ADCK1: variants seen among roughly 807,000 people sequenced by gnomAD.
The protein encoded by ADCK1 is aarF domain-containing protein kinase 1.
A neutral mutation model predicts 52.3 loss-of-function variants in ADCK1; 41 were observed. The ratio of observed to expected loss-of-function variants is 0.78; its 90% confidence interval spans 0.61 to 1.02. The LOEUF (loss-of-function observed/expected upper bound fraction) is 1.02, where lower values mean the gene tolerates loss of function less well. Ranked by LOEUF, ADCK1 falls within the 50% of genes least tolerant of loss-of-function variation. The pLI, the probability that ADCK1 is intolerant of heterozygous loss-of-function variation, is 0.00. For missense variants in ADCK1, 658 were observed against 679.5 expected, an observed-to-expected ratio of 0.97 and a Z score of 0.35; for synonymous variants, 250 against 274.6, an observed-to-expected ratio of 0.91 and a Z score of 0.89.
chr14:77,815,702 A>G lies in ADCK1; in HGVS notation c.-11-3266A>G, dbSNP rs1474842592. 2.0e-5 allele frequency among the ~76,000 whole-genome samples: 3 copies of G among 150,610 alleles called. No individual in the cohort carries two copies. In the East Asian group the frequency reaches 5.9e-4, roughly 30 times the overall value. Reference sequence around the variant, plus strand: ...CCTGGCTAATTTTTGTATTTTTAGTAGAGACAAGGTTTCAGCATATTGGCC... The same window carrying G: ...CCTGGCTAATTTTTGTATTTTTAGTGGAGACAAGGTTTCAGCATATTGGCC... On this transcript the variant is annotated intron_variant, in intron 1 of 10. Coordinates refer to ENST00000238561, the MANE Select transcript of ADCK1 (RefSeq NM_020421.4).
intron 4 of ADCK1, among the ~76,000 whole-genome samples, chr14:77,875,692 C>T (rs935493706): frequency 2.6e-5 from 4 of 152,104 alleles, no homozygotes; most frequent in African/African-American, 7.2e-5. Flanking sequence ...GTTGCCTGCA[C>T]GTGAGCGGCA....
chr14:77,828,011 G>A lies in ADCK1; in HGVS notation c.219+5493G>A, dbSNP rs568502846. On this transcript the variant is annotated intron_variant, in intron 3 of 10. Coordinates refer to ENST00000238561, the MANE Select transcript of ADCK1 (RefSeq NM_020421.4). ...GCCCGGATAATTTTTTGTGTTTTTA[G>A]TAGAGACAGGGTTTTACTGTATTAG... The A allele has an allele frequency of 1.1e-4, 31 of 287,054 alleles. 1 individual carries two copies. Among genetic ancestry groups the A allele is most frequent in the South Asian group, 8.0e-4 (29 of 36,060 alleles). 17.8% of individuals were successfully genotyped at this position (287,054 alleles called of 1,614,324 possible).
At chr14:77,856,588 G>C (rs1245168288) in intron 3 of ADCK1, among the ~76,000 whole-genome samples, 1 of 152,180 alleles carries the variant, frequency 6.6e-6, no homozygotes, top group East Asian at 1.9e-4. Flanking sequence ...TATGGTAAAG[G>C]ATTGCCCTCC....
intron 9 of ADCK1, among the ~76,000 whole-genome samples, chr14:77,930,540 G>A (rs1458841463): frequency 6.6e-6 from 1 of 152,148 alleles, no homozygotes; most frequent in African/African-American, 2.4e-5. Flanking sequence ...GTCGAGTCCT[G>A]TGGTGAGGTG....
chr14:77,908,701 C>A (rs549101590), intron 7 of ADCK1, among the ~76,000 whole-genome samples: 28 of 152,268 alleles, frequency 1.8e-4, no homozygotes, highest in African/African-American at 5.3e-4. Flanking sequence ...CAACATTGAT[C>A]ATTTTAATAG....
chr14:77,875,078 G>A (rs1220148034), intron 4 of ADCK1, among the ~76,000 whole-genome samples: 1 of 152,204 alleles, frequency 6.6e-6, no homozygotes, highest in African/African-American at 2.4e-5. Flanking sequence ...TGAGGCTGGT[G>A]TGGGGAACAA....
At chr14:77,876,071 G>T (rs2082892661) in intron 4 of ADCK1, among the ~76,000 whole-genome samples, 1 of 152,154 alleles carries the variant, frequency 6.6e-6, no homozygotes, top group South Asian at 2.1e-4. Flanking sequence ...GGCTCCTATT[G>T]GCTGCTGTCA....
chr14:77,915,999 A>G (rs1414889044), intron 7 of ADCK1, among the ~76,000 whole-genome samples: 1 of 151,994 alleles, frequency 6.6e-6, no homozygotes, highest in African/African-American at 2.4e-5. Flanking sequence ...GCTGAATTCC[A>G]CCCCTTGGAA....
Position 77,925,772 on chromosome 14 carries a change from GGAA to G in ADCK1, c.1021_1023del (p.Glu341del). Reference sequence around the variant, plus strand: ...TGCCGCCTCCACCCTAGATGCTCACGGAAGAATTCCGCCTGAATTACTGCCACC... The same window carrying G: ...TGCCGCCTCCACCCTAGATGCTCACGGAATTCCGCCTGAATTACTGCCACC... On this transcript the variant is annotated inframe_deletion, in exon 9 of 11. Coordinates refer to ENST00000238561, the MANE Select transcript of ADCK1 (RefSeq NM_020421.4). The G allele has an allele frequency of 6.2e-7, 1 of 1,614,018 alleles. No individual in the cohort carries two copies. Among genetic ancestry groups the G allele is most frequent in the Non-Finnish European group, 8.5e-7 (1 of 1,179,902 alleles).
At chr14:77,852,886 T>C (rs1162054577) in intron 3 of ADCK1, among the ~76,000 whole-genome samples, 1 of 28,532 alleles carries the variant, frequency 3.5e-5, no homozygotes, top group Admixed American at 3.7e-4. Flanking sequence ...TATGTGTGTA[T>C]ATATATATAT....
intron 3 of ADCK1, among the ~76,000 whole-genome samples, chr14:77,856,020 G>A (rs1201899702): frequency 6.6e-6 from 1 of 152,032 alleles, no homozygotes; most frequent in Non-Finnish European, 1.5e-5. Flanking sequence ...TACCAGCCTG[G>A]GCAACATAGT....
At chr14:77,871,556 C>G (rs11159303) in intron 4 of ADCK1, among the ~76,000 whole-genome samples, 60,599 of 151,942 alleles carry the variant, frequency 0.4, 12,514 homozygotes, top group Admixed American at 0.52. Context: ...CAGGGTTTCT[C>G]CATGTTGGCC....
intron 1 of ADCK1, among the ~76,000 whole-genome samples, chr14:77,807,800 T>C (rs1228106539): frequency 6.6e-6 from 1 of 151,962 alleles, no homozygotes; most frequent in African/African-American, 2.4e-5. Context: ...TGAACCACCA[T>C]GCCCGGCAAT....
rs144913497 is a variant in ADCK1 at position 77,877,771 on chromosome 14, GTTT to G, written c.424-9316_424-9314del. On this transcript the variant is annotated intron_variant, in intron 4 of 10. Coordinates refer to ENST00000238561, the MANE Select transcript of ADCK1 (RefSeq NM_020421.4). The stretch of plus-strand genomic sequence containing the variant: ...AGGTGTGTGCCACGATGCCTGATTA[GTTT>G]TTTATTTTTTTGTAGAGATGGAGTC... Among the ~76,000 whole-genome samples the G allele has an allele frequency of 6.1e-4, 93 of 152,272 alleles. 1 individual carries two copies. The highest frequency in any genetic ancestry group is 2.1e-3 in the African/African-American group (89 of 41,558).
chr14:77,886,605 G>A (rs2083152451), intron 4 of ADCK1, among the ~76,000 whole-genome samples: 1 of 152,142 alleles, frequency 6.6e-6, no homozygotes, highest in Admixed American at 6.5e-5. Context: ...GCAAGACCCT[G>A]GGCTGGTACA....
chr14:77,875,900 G>A (rs575526613), intron 4 of ADCK1, among the ~76,000 whole-genome samples: 1 of 152,100 alleles, frequency 6.6e-6, no homozygotes, highest in Non-Finnish European at 1.5e-5. Flanking sequence ...CACATCTTGG[G>A]GTTCACACTT....
chr14:77,818,867 G>C (rs2081520068), intron 1 of ADCK1, 101 bp from the exon 2 acceptor site: 1 of 1,355,238 alleles, frequency 7.4e-7, no homozygotes, highest in Admixed American at 2.2e-5. Context: ...AATGATCCAA[G>C]GTCATATAAT....
At chr14:77,818,594 T>C (rs1000202100) in intron 1 of ADCK1, among the ~76,000 whole-genome samples, 8 of 152,192 alleles carry the variant, frequency 5.3e-5, no homozygotes, top group African/African-American at 1.9e-4. Context: ...TCTCTGCTTT[T>C]CTTGTCAGCA....
chr14:77,844,419 T>G (rs2080816), intron 3 of ADCK1, among the ~76,000 whole-genome samples: 44,850 of 151,950 alleles, frequency 0.3, 8,028 homozygotes, highest in East Asian at 0.49. Flanking sequence ...TAGGGAAGAT[T>G]CTTATTTTGA....
Sources: allele counts gnomAD v4.1 joint callset (sites outside exome capture counted in the v4.1 genomes callset), GRCh38; gene constraint gnomAD v4.1.1; transcripts MANE v1.5; gene names NCBI Gene and HGNC (gene_info 2026-07-23, HGNC 2026-07-21).